CD36: variants seen among roughly 807,000 people sequenced by gnomAD.
CD36 encodes CD36 molecule (CD36 blood group).
CD36 carries 119 observed loss-of-function variants against 55.2 expected under a neutral mutation model. The observed-to-expected ratio is 2.15, with a 90% confidence interval of 1.86 to 2.51. CD36 has a LOEUF of 2.51. CD36 is among the 30% of genes most tolerant of loss of function. CD36 has a pLI of 0.00. For missense variants in CD36, 819 were observed against 555.5 expected, an observed-to-expected ratio of 1.47 and a Z score of -4.77; for synonymous variants, 186 against 193.6, an observed-to-expected ratio of 0.96 and a Z score of 0.33.
At chr7:80,640,545 A>G (rs1418135786) in intron 1 of CD36, among the ~76,000 whole-genome samples, 1 of 152,052 alleles carries the variant, frequency 6.6e-6, no homozygotes, top group Non-Finnish European at 1.5e-5. Flanking sequence ...AACTGAATCT[A>G]CATTTCTTGG....
Position 80,669,940 on chromosome 7 carries a change from G to A in CD36, c.749-13G>A, listed in dbSNP as rs760711855. 4.4e-6 allele frequency: 7 copies of A among 1,601,970 alleles called. No homozygotes were observed. Among genetic ancestry groups the A allele is most frequent in the Admixed American group, 1.7e-5 (1 of 59,992 alleles). ...CATTACATCTAATCATTTGCCACTC[G>A]ATTTTTAAACAGATGCAGCCTCATT... On this transcript the variant is annotated splice_polypyrimidine_tract_variant and intron_variant, in intron 8 of 14. Coordinates refer to ENST00000447544, the MANE Select transcript of CD36 (RefSeq NM_001001548.3).
At chr7:80,609,874 G>T (rs950406556) in intron 1 of CD36, among the ~76,000 whole-genome samples, 2 of 152,186 alleles carry the variant, frequency 1.3e-5, no homozygotes, top group Non-Finnish European at 2.9e-5. Flanking sequence ...TGTTGGTGAA[G>T]GGAGCCAGAT....
intron 1 of CD36, among the ~76,000 whole-genome samples, chr7:80,644,030 G>A (rs568210011): frequency 6.6e-6 from 1 of 152,260 alleles, no homozygotes; most frequent in South Asian, 2.1e-4. Flanking sequence ...ACATTCTCTA[G>A]TTGGCGATTA....
intron 1 of CD36, among the ~76,000 whole-genome samples, chr7:80,611,070 G>A (rs1412705036): frequency 6.6e-6 from 1 of 151,904 alleles, no homozygotes; most frequent in Non-Finnish European, 1.5e-5. Context: ...TTCTGTAGAG[G>A]CAGAGTCTCT....
At position 80,650,517 on chromosome 7, in the gene CD36, A is replaced by G. The variant is rs1019279979; in HGVS notation, c.120+3657A>G. Among the ~76,000 whole-genome samples the G allele has an allele frequency of 2.6e-5, 4 of 152,128 alleles. No homozygotes were observed. In the East Asian group the frequency reaches 7.7e-4, roughly 29 times the overall value. On this transcript the variant is annotated intron_variant, in intron 3 of 14. Coordinates refer to ENST00000447544, the MANE Select transcript of CD36 (RefSeq NM_001001548.3). ...TACTTAGAGTAATGCTATTTCACAAACATATGGGTTTTGGTACTGTTGACT... is the reference window on the plus strand; with the variant it reads ...TACTTAGAGTAATGCTATTTCACAAGCATATGGGTTTTGGTACTGTTGACT...
chr7:80,633,131 G>A (rs929375039), intron 1 of CD36: 1 of 151,834 alleles, frequency 6.6e-6, no homozygotes, highest in Non-Finnish European at 1.5e-5. Flanking sequence ...TAACTATGCT[G>A]ATCATGGCAT....
At chr7:80,650,287 T>G (rs3211828) in intron 3 of CD36, among the ~76,000 whole-genome samples, 20,082 of 152,062 alleles carry the variant, frequency 0.13, 1,897 homozygotes, top group East Asian at 0.33. Flanking sequence ...GCTCTCAGAT[T>G]CCTACACAAC....
intron 1 of CD36, among the ~76,000 whole-genome samples, chr7:80,617,583 C>T (rs1308253411): frequency 6.6e-6 from 1 of 151,708 alleles, no homozygotes; most frequent in African/African-American, 2.4e-5. Flanking sequence ...ATAAATTAGC[C>T]GGGCATGGTG....
chr7:80,640,555 G>A (rs957465092), intron 1 of CD36, among the ~76,000 whole-genome samples: 2 of 151,906 alleles, frequency 1.3e-5, no homozygotes, highest in African/African-American at 4.8e-5. Flanking sequence ...ACATTTCTTG[G>A]CTTCAAGGTC....
chr7:80,648,703 G>T (rs1458761119), intron 3 of CD36, among the ~76,000 whole-genome samples: 1 of 151,708 alleles, frequency 6.6e-6, no homozygotes, highest in East Asian at 1.9e-4. Flanking sequence ...AATTGAATTG[G>T]AAAAGTAAAT....
In CD36 at chr7:80,670,022, G is replaced by A. The variant is rs199681631; in HGVS notation, c.818G>A (p.Arg273Lys). 1.3e-6 allele frequency: 2 copies of A among 1,592,064 alleles called. No individual in the cohort carries two copies. Among genetic ancestry groups the A allele is most frequent in the Non-Finnish European group, 1.7e-6 (2 of 1,160,798 alleles). Residue 273 changes from arginine to lysine, a missense_variant and splice_region_variant, in exon 9 of 15, where the codon AGG becomes AAG. Transcript: ENST00000447544. Reference sequence around the variant, plus strand: ...CAGTTCTTTTCTTCTGATATTTGCAGGTAAGACAGATACTGAAGTATAAGT... The same window carrying A: ...CAGTTCTTTTCTTCTGATATTTGCAAGTAAGACAGATACTGAAGTATAAGT... ...VLQFFSSDIC[R>K]SIYAVFESDV... is the part of the protein sequence containing the mutation.
chr7:80,609,894 G>T (rs186384236), intron 1 of CD36, among the ~76,000 whole-genome samples: 1 of 152,272 alleles, frequency 6.6e-6, no homozygotes. Context: ...TGAGAATTTG[G>T]TTCAGGTTAC....
At position 80,674,047 on chromosome 7, in the gene CD36, T is replaced by A. The variant is rs1296421249; in HGVS notation, c.1319T>A (p.Leu440His). The change falls in exon 14 of 15, where the codon CTC becomes CAC. Residue 440 changes from leucine to histidine, a missense_variant. Coordinates refer to ENST00000447544, the MANE Select transcript of CD36 (RefSeq NM_001001548.3). ...FRSQVTGKIN[L>H]LGLIEMILLS... ...AGTCAAGTAACTGGAAAAATAAACC[T>A]CCTTGGCCTGATAGAAATGATCTTA... is the stretch of plus-strand genomic sequence containing the variant. The A allele has an allele frequency of 1.9e-6, 3 of 1,612,180 alleles. No homozygotes were observed. The highest frequency in any genetic ancestry group is 2.5e-6 in the Non-Finnish European group (3 of 1,178,696).
intron 5 of CD36, among the ~76,000 whole-genome samples, chr7:80,661,632 C>A (rs1796537931): frequency 6.6e-6 from 1 of 152,100 alleles, no homozygotes; most frequent in Non-Finnish European, 1.5e-5. Context: ...TCCGAGCTTT[C>A]CAGACAGTGT....
intron 1 of CD36, chr7:80,626,009 TCTC>T (rs1793719346): frequency 6.6e-6 from 1 of 152,106 alleles, no homozygotes; most frequent in Non-Finnish European, 1.5e-5. Context: ...AAATCACTGT[TCTC>T]CTGGGTAATC....
intron 3 of CD36, 87 bp from the exon 4 acceptor site, chr7:80,656,453 C>G: frequency 8.2e-7 from 1 of 1,226,130 alleles, no homozygotes; most frequent in African/African-American, 1.5e-5. Context: ...TCCTTTTATT[C>G]TGGCTGACTC....
At chr7:80,659,624 C>T (rs956372491) in intron 4 of CD36, among the ~76,000 whole-genome samples, 1 of 151,962 alleles carries the variant, frequency 6.6e-6, no homozygotes, top group Non-Finnish European at 1.5e-5. Context: ...ATTCTAAAGG[C>T]AGGGCTGTTT....
chr7:80,667,246 A>G (rs1527484), intron 8 of CD36, among the ~76,000 whole-genome samples: 150,901 of 152,122 alleles, frequency 0.99, 74,856 homozygotes, highest in Middle Eastern at 1. Context: ...TGGGCAACAT[A>G]GCAAAATCCC....
At chr7:80,672,725 T>C (rs776396532) in intron 11 of CD36, 45 bp from the exon 12 acceptor site, 1 of 1,319,804 alleles carries the variant, frequency 7.6e-7, no homozygotes, top group South Asian at 1.2e-5. Flanking sequence ...TAGTATAAAA[T>C]AATGTTTTTA....
Sources: allele counts gnomAD v4.1 joint callset (sites outside exome capture counted in the v4.1 genomes callset), GRCh38; gene constraint gnomAD v4.1.1; transcripts MANE v1.5; gene names NCBI Gene and HGNC (gene_info 2026-07-23, HGNC 2026-07-21).